The following PCDHA3 variants were observed in gnomAD, a reference collection of about 807,000 sequenced individuals.
PCDHA3 encodes protocadherin alpha-3.
PCDHA3 carries 41 observed loss-of-function variants against 62.2 expected under a neutral mutation model. The ratio of observed to expected loss-of-function variants is 0.66; its 90% CI spans 0.51 to 0.86. The LOEUF (loss-of-function observed/expected upper bound fraction) is 0.86. PCDHA3 is among the 40% of genes least tolerant of loss of function. The pLI is 0.00. For synonymous variants in PCDHA3, 640 were observed against 555.4 expected (o/e 1.15, Z -2.14); for missense variants, 1,304 against 1,241.2 (o/e 1.05, Z -0.76).
In PCDHA3 at chr5:140,853,829, C is replaced by T. The variant is rs782020407; in HGVS notation, c.2394+50238C>T. 4.9e-5 allele frequency: 48 copies of T among 986,432 alleles called. 3 individuals carry two copies. Among genetic ancestry groups the T allele is most frequent in the Non-Finnish European group, 5.4e-5 (44 of 818,590 alleles). The allele number at this position is 986,432 out of a possible 1,614,324, so 61.1% of individuals were successfully genotyped here. A position where few individuals can be genotyped will look rare whatever the true frequency, so the allele number is the denominator to read the frequency against. ...ACACCTGAGATGATTCTCATACAACCGAAATTTTAGATCCATAGCCCTATT... is the reference window on the plus strand; with the variant it reads ...ACACCTGAGATGATTCTCATACAACTGAAATTTTAGATCCATAGCCCTATT... On this transcript the variant is annotated intron_variant, in intron 1 of 3. Coordinates refer to ENST00000522353, the MANE Select transcript of PCDHA3 (RefSeq NM_018906.3).
intron 1 of PCDHA3, chr5:140,807,788 G>T: frequency 6.2e-7 from 1 of 1,614,142 alleles, no homozygotes; most frequent in Non-Finnish European, 8.5e-7. Context: ...GAAATCTTTA[G>T]ACAGAGAAGA....
At chr5:140,846,207 T>C (rs1310866622) in intron 1 of PCDHA3, among the ~76,000 whole-genome samples, 2 of 149,584 alleles carry the variant, frequency 1.3e-5, no homozygotes, top group Non-Finnish European at 3.0e-5. Context: ...GTATGAGATC[T>C]TTCCATTAAT....
chr5:140,809,402 C>A, intron 1 of PCDHA3: 1 of 1,614,178 alleles, frequency 6.2e-7, no homozygotes, highest in Non-Finnish European at 8.5e-7. Context: ...CAAGCCCACG[C>A]TGGTGTGCTC....
intron 1 of PCDHA3, among the ~76,000 whole-genome samples, chr5:140,941,248 T>TTTCTTTC (rs2092963388): frequency 1.4e-5 from 2 of 141,492 alleles, no homozygotes; most frequent in African/African-American, 5.3e-5. Context: ...TCTTTCTTTC[T>TTTCTTTC]TTCTTTCTCT....
chr5:140,843,091 G>A (rs1554139733), intron 1 of PCDHA3: 3 of 1,595,616 alleles, frequency 1.9e-6, no homozygotes, highest in Non-Finnish European at 2.6e-6. Flanking sequence ...CGGGCCACGT[G>A]GTAGCGAAGG....
At chr5:140,808,787 C>T (rs1764263030) in intron 1 of PCDHA3, 1 of 1,612,462 alleles carries the variant, frequency 6.2e-7, no homozygotes, top group African/African-American at 1.3e-5. Flanking sequence ...GCTGCAGTTT[C>T]AGGTGACCGC....
intron 1 of PCDHA3, chr5:140,852,294 C>T (rs1467732169): frequency 2.1e-6 from 1 of 469,886 alleles, no homozygotes; most frequent in Non-Finnish European, 2.9e-6. Flanking sequence ...TTTTATTTTT[C>T]TGAGACGGAG....
chr5:140,902,419 T>C (rs2069442508), intron 1 of PCDHA3, among the ~76,000 whole-genome samples: 1 of 152,118 alleles, frequency 6.6e-6, no homozygotes, highest in Non-Finnish European at 1.5e-5. Flanking sequence ...ATAACAGTGG[T>C]GAAAGTGGGC....
rs782762108 is a variant in PCDHA3 at position 140,876,906 on chromosome 5, G to A, written c.2394+73315G>A. 3.7e-6 allele frequency: 6 copies of A among 1,613,910 alleles called. No homozygotes were observed. In the African/African-American group the frequency reaches 8.0e-5, roughly 22 times the overall value. On this transcript the variant is annotated intron_variant, in intron 1 of 3. Transcript: ENST00000522353. Reference sequence around the variant, plus strand: ...CGGGCTGCCACATCTTCACGGTGTCGGCATGGGACGCGGACGCGCAGAAGA... The same window carrying A: ...CGGGCTGCCACATCTTCACGGTGTCAGCATGGGACGCGGACGCGCAGAAGA...
In PCDHA3 at chr5:140,883,587, G is replaced by C. The variant is rs1554178846; in HGVS notation, c.2394+79996G>C. ...TCGCCTTCGCTGTGGGCCACGGCCA[G>C]CGTGTCGGTGGGGGTGGCCGACGTG... On this transcript the variant is annotated intron_variant, in intron 1 of 3. Coordinates refer to ENST00000522353, the MANE Select transcript of PCDHA3 (RefSeq NM_018906.3). 6.2e-7 allele frequency: 1 copy of C among 1,614,030 alleles called. No individual in the cohort carries two copies. Among genetic ancestry groups the C allele is most frequent in the Non-Finnish European group, 8.5e-7 (1 of 1,179,946 alleles).
chr5:140,885,611 A>G (rs1422835119), intron 1 of PCDHA3, among the ~76,000 whole-genome samples: 5 of 152,216 alleles, frequency 3.3e-5, no homozygotes, highest in Non-Finnish European at 4.4e-5. Flanking sequence ...AATTTTAATT[A>G]TAAAATATGT....
Position 140,801,732 on chromosome 5 carries a change from A to G in PCDHA3, c.535A>G (p.Thr179Ala), listed in dbSNP as rs1762771871. The G allele has an allele frequency of 6.2e-7, 1 of 1,613,978 alleles. No individual in the cohort carries two copies. The highest frequency in any genetic ancestry group is 8.5e-7 in the Non-Finnish European group (1 of 1,180,026). ...TYSLDSTEYF[T>A]LDVKRNDEEI... Reference sequence around the variant, plus strand: ...CAGTCTTGATTCCACTGAATATTTTACCTTGGACGTTAAAAGAAATGATGA... The same window carrying G: ...CAGTCTTGATTCCACTGAATATTTTGCCTTGGACGTTAAAAGAAATGATGA... Residue 179 changes from threonine (T) to alanine (A), a missense_variant, in exon 1 of 4, where the codon ACC becomes GCC. Physicochemically the swap from Thr to Ala is moderately conservative, Grantham distance 58. Coordinates refer to ENST00000522353, the MANE Select transcript of PCDHA3 (RefSeq NM_018906.3).
Position 140,856,266 on chromosome 5 carries a change from T to C in PCDHA3, c.2394+52675T>C, listed in dbSNP as rs1581394564. On this transcript the variant is annotated intron_variant, in intron 1 of 3. Coordinates refer to ENST00000522353, the MANE Select transcript of PCDHA3 (RefSeq NM_018906.3). ...GTGGCGTCCAAAAGACACGGGGACC[T>C]TCTGGAGGTAAATCTGCAGAATGGC... 7 of 1,598,200 alleles carry C rather than the reference T, an allele frequency of 4.4e-6. No homozygotes were observed. The East Asian group carries it at 1.6e-4, about 36-fold the overall frequency.
At chr5:140,834,702 G>C in intron 1 of PCDHA3, 1 of 1,614,258 alleles carries the variant, frequency 6.2e-7, no homozygotes. Context: ...CATCCACCTG[G>C]AGGTGATCGT....
chr5:140,981,260 T>C (rs975813904), intron 2 of PCDHA3, among the ~76,000 whole-genome samples: 11 of 152,324 alleles, frequency 7.2e-5, no homozygotes, highest in African/African-American at 2.4e-4. Flanking sequence ...ACTTTCAAGA[T>C]AAGCAAATGT....
intron 1 of PCDHA3, chr5:140,843,073 T>A: frequency 6.3e-7 from 1 of 1,595,338 alleles, no homozygotes; most frequent in East Asian, 2.2e-5. Flanking sequence ...TGCCGCGGTC[T>A]GTGGGCGCGG....
rs566393892 is a variant in PCDHA3 at position 140,802,649 on chromosome 5, G to T, written c.1452G>T (p.Ala484=). 12 of 1,613,680 alleles carry T rather than the reference G, an allele frequency of 7.4e-6. No individual in the cohort carries two copies. The highest frequency in any genetic ancestry group is 1.3e-5 in the African/African-American group (1 of 75,060). Residue 484 remains alanine, a synonymous_variant, in exon 1 of 4, where the codon GCG becomes GCT. Coordinates refer to ENST00000522353, the MANE Select transcript of PCDHA3 (RefSeq NM_018906.3). ...IFTVSARDAD[A]QENALVSYSL... ...CGGTGTCTGCGCGGGACGCGGACGC[G>T]CAGGAGAACGCCCTGGTGTCCTACT...
In PCDHA3 at chr5:140,967,411, A is replaced by T. The variant is rs142102675; in HGVS notation, c.2395-11538A>T. The T allele has an allele frequency of 4.6e-5, 74 of 1,613,220 alleles. No individual in the cohort carries two copies. The African/African-American group carries it at 9.5e-4, about 21-fold the overall frequency. On this transcript the variant is annotated intron_variant, in intron 1 of 3. Coordinates refer to ENST00000522353, the MANE Select transcript of PCDHA3 (RefSeq NM_018906.3). The stretch of plus-strand genomic sequence containing the variant: ...TTGAGCTGGTGCTGCGTAAGGGCCT[A>T]GACCGGGAGCAGGCAGCCTTGCACC...
chr5:140,842,557 C>T (rs200079412), intron 1 of PCDHA3: 4 of 1,596,448 alleles, frequency 2.5e-6, no homozygotes, highest in Non-Finnish European at 3.4e-6. Context: ...TGGACAGCGC[C>T]CTGGACCGCG....
Sources: gnomAD v4.1 joint callset for allele counts (sites outside exome capture counted in the v4.1 genomes callset) on GRCh38, gnomAD v4.1.1 for gene constraint, MANE v1.5 for transcripts, NCBI Gene and HGNC (gene_info 2026-07-23, HGNC 2026-07-21) for gene names.